Variants in KCNJ6 observed in about 807,000 individuals in gnomAD.
The protein encoded by KCNJ6 is G protein-activated inward rectifier potassium channel 2.
Under a neutral mutation model 34.2 loss-of-function variants are expected in KCNJ6, and 9 were observed. The ratio of observed to expected loss-of-function variants is 0.26; its 90% CI spans 0.16 to 0.46. The LOEUF (loss-of-function observed/expected upper bound fraction) is 0.46. KCNJ6 is among the 20% of genes least tolerant of loss of function. The pLI, the probability that KCNJ6 is intolerant of heterozygous loss-of-function variation, is 1.00. For missense variants in KCNJ6, 236 were observed against 531.3 expected, an observed-to-expected ratio of 0.44 and a Z score of 5.46; for synonymous variants, 196 against 207.1, an observed-to-expected ratio of 0.95 and a Z score of 0.46.
rs1362871817 is a variant in KCNJ6 at position 37,735,843 on chromosome 21, T to C, written c.26-20712A>G. 2.6e-5 allele frequency among the ~76,000 whole-genome samples: 4 copies of C among 152,060 alleles called. No individual in the cohort carries two copies. The East Asian group carries it at 5.8e-4, about 22-fold the overall frequency. ...GCTGGGGCAGAGCTGGGGAGAATTA[T>C]TAGGGGAGAAAGAAACACAATCAAA... is the stretch of plus-strand genomic sequence containing the variant. On this transcript the variant is annotated intron_variant, in intron 2 of 3. Transcript: ENST00000609713.
At position 37,714,776 on chromosome 21, in the gene KCNJ6, G is replaced by C; in HGVS notation, c.381C>G (p.Pro127=). 1 of 1,614,182 alleles carries C rather than the reference G, an allele frequency of 6.2e-7. No homozygotes were observed. The highest frequency in any genetic ancestry group is 8.5e-7 in the Non-Finnish European group (1 of 1,180,032). The change falls in exon 3 of 4, where the codon CCC becomes CCG. Residue 127 remains proline (P), a synonymous_variant. Transcript: ENST00000609713. The surrounding 1 kb of genome is among the most constrained non-coding windows in gnomAD (Gnocchi z 5.9). ...GGTTGGTAACACAAGGAGTCCAGGAGGGGTCCTCTATGTGGTCCATGTCTC... is the reference window on the plus strand; with the variant it reads ...GGTTGGTAACACAAGGAGTCCAGGACGGGTCCTCTATGTGGTCCATGTCTC... The part of the protein sequence containing the change: ...IRGDMDHIED[P]SWTPCVTNLN...
Position 37,858,286 on chromosome 21 carries a change from G to C in KCNJ6, c.-27-17577C>G, listed in dbSNP as rs371793548. Among the ~76,000 whole-genome samples, 1,028 of 150,870 alleles carry C rather than the reference G, an allele frequency of 6.8e-3. 8 individuals carry two copies. The highest frequency in any genetic ancestry group is 0.024 in the African/African-American group (978 of 41,178). On this transcript the variant is annotated intron_variant, in intron 1 of 3. Coordinates refer to ENST00000609713, the MANE Select transcript of KCNJ6 (RefSeq NM_002240.5). ...CGGGCGCCTGTAGTCCCAGCTACTC[G>C]GGAGGCTGAGGCAGGAGAATGGCGT...
At chr21:37,834,613 A>G (rs1395877510) in intron 2 of KCNJ6, among the ~76,000 whole-genome samples, 1 of 152,204 alleles carries the variant, frequency 6.6e-6, no homozygotes, top group African/African-American at 2.4e-5. Context: ...ACCACCCCAT[A>G]AAAAAGGGAA....
chr21:37,736,196 G>C (rs2054912264), intron 2 of KCNJ6, among the ~76,000 whole-genome samples: 1 of 152,146 alleles, frequency 6.6e-6, no homozygotes, highest in Non-Finnish European at 1.5e-5. Flanking sequence ...CCTGTGCTAG[G>C]CCCTGGGGAT....
chr21:37,827,104 A>C (rs1222068675), intron 2 of KCNJ6, among the ~76,000 whole-genome samples: 3 of 152,172 alleles, frequency 2.0e-5, no homozygotes, highest in Non-Finnish European at 4.4e-5. Context: ...AATTAAATAA[A>C]TCTCCACTAA....
chr21:37,789,775 C>T (rs1466303557), intron 2 of KCNJ6, among the ~76,000 whole-genome samples: 1 of 152,198 alleles, frequency 6.6e-6, no homozygotes, highest in Non-Finnish European at 1.5e-5. Context: ...ACCAGTGTCT[C>T]TATTACTTGC....
intron 1 of KCNJ6, among the ~76,000 whole-genome samples, chr21:37,901,516 C>T (rs2055816832): frequency 6.6e-6 from 1 of 152,174 alleles, no homozygotes; most frequent in African/African-American, 2.4e-5. Context: ...GAGCATTGAC[C>T]TTGACTTTAC....
At chr21:37,906,210 A>T (rs2055840662) in intron 1 of KCNJ6, among the ~76,000 whole-genome samples, 1 of 152,220 alleles carries the variant, frequency 6.6e-6, no homozygotes, top group Non-Finnish European at 1.5e-5. Flanking sequence ...ACTTAGTGTG[A>T]TCATGAGTAT....
intron 2 of KCNJ6, among the ~76,000 whole-genome samples, chr21:37,826,412 G>A (rs2055399118): frequency 6.6e-6 from 1 of 152,222 alleles, no homozygotes; most frequent in South Asian, 2.1e-4. Context: ...GTGAAAAAGT[G>A]GAGTCTGCAG....
chr21:37,871,644 A>G lies in KCNJ6; in HGVS notation c.-27-30935T>C, dbSNP rs1223652511. 2.0e-5 allele frequency among the ~76,000 whole-genome samples: 3 copies of G among 152,234 alleles called. No individual in the cohort carries two copies. In the East Asian group the frequency reaches 5.8e-4, roughly 29 times the overall value. On this transcript the variant is annotated intron_variant, in intron 1 of 3. Coordinates refer to ENST00000609713, the MANE Select transcript of KCNJ6 (RefSeq NM_002240.5). ...TGGCTCTCTCTTCAAATCTGGAAGA[A>G]GTTGCCTGAAGAACAGTGTGCTCTT...
chr21:37,719,864 G>A (rs1007364764), intron 2 of KCNJ6, among the ~76,000 whole-genome samples: 3 of 152,168 alleles, frequency 2.0e-5, no homozygotes, highest in African/African-American at 7.2e-5. Flanking sequence ...CTTGTTGCAG[G>A]GAAGCCTCCC....
intron 1 of KCNJ6, among the ~76,000 whole-genome samples, chr21:37,846,890 C>T (rs56257426): frequency 0.18 from 27,652 of 152,080 alleles, 3,918 homozygotes; most frequent in East Asian, 0.46. Context: ...CACCTTCCCC[C>T]CTCCTCTTCC....
At chr21:37,869,515 C>A (rs780751333) in intron 1 of KCNJ6, among the ~76,000 whole-genome samples, 1 of 152,172 alleles carries the variant, frequency 6.6e-6, no homozygotes, top group African/African-American at 2.4e-5. Flanking sequence ...TTGCCTCGGG[C>A]TTTTACATGT....
intron 1 of KCNJ6, among the ~76,000 whole-genome samples, chr21:37,907,655 G>A (rs142883572): frequency 0.014 from 2,184 of 152,242 alleles, 54 homozygotes; most frequent in African/African-American, 0.05. Context: ...ATGTCACTTT[G>A]TAGCTTCCAC....
intron 3 of KCNJ6, among the ~76,000 whole-genome samples, chr21:37,684,335 A>G (rs2123421293): frequency 7.5e-6 from 1 of 133,516 alleles, no homozygotes; most frequent in East Asian, 2.2e-4. Flanking sequence ...GTCTGTGTCC[A>G]AATTTCCACT....
intron 1 of KCNJ6, among the ~76,000 whole-genome samples, chr21:37,902,360 A>G (rs937345114): frequency 1.3e-5 from 2 of 152,326 alleles, no homozygotes; most frequent in African/African-American, 4.8e-5. Context: ...AAAAGAAGAA[A>G]GCTCTTTCCC....
At chr21:37,890,917 A>G (rs2055759178) in intron 1 of KCNJ6, among the ~76,000 whole-genome samples, 1 of 152,242 alleles carries the variant, frequency 6.6e-6, no homozygotes, top group South Asian at 2.1e-4. Flanking sequence ...GAATCTGGCA[A>G]GATGGCACAT....
At chr21:37,727,051 G>A (rs140412253) in intron 2 of KCNJ6, among the ~76,000 whole-genome samples, 294 of 152,310 alleles carry the variant, frequency 1.9e-3, no homozygotes, top group African/African-American at 6.8e-3. Flanking sequence ...ACATGGAGAA[G>A]CAGCCAGATA....
chr21:37,823,164 A>G (rs4816582), intron 2 of KCNJ6, among the ~76,000 whole-genome samples: 1 of 151,936 alleles, frequency 6.6e-6, no homozygotes, highest in Non-Finnish European at 1.5e-5. Flanking sequence ...CACCTGCCGA[A>G]CCAGCCCCCA....
Sources: allele counts gnomAD v4.1 joint callset (sites outside exome capture counted in the v4.1 genomes callset), GRCh38; gene constraint gnomAD v4.1.1; non-coding constraint Gnocchi (gnomAD v3.1); transcripts MANE v1.5; gene names NCBI Gene and HGNC (gene_info 2026-07-23, HGNC 2026-07-21).